The following CACNA2D3 variants were observed in gnomAD, a reference collection of about 807,000 sequenced individuals.
CACNA2D3 encodes voltage-dependent calcium channel subunit alpha-2/delta-3.
In CACNA2D3, 60 loss-of-function variants were observed where a neutral mutation model predicts 160.6. The observed-to-expected ratio is 0.37, with a 90% CI of 0.30 to 0.46. The LOEUF (loss-of-function observed/expected upper bound fraction) is 0.46. CACNA2D3 is among the 20% of genes least tolerant of loss of function. The pLI is 1.00. For synonymous variants in CACNA2D3, 558 were observed against 492.9 expected, an observed-to-expected ratio of 1.13 and a Z score of -1.75; for missense variants, 1,205 against 1,365.0, an observed-to-expected ratio of 0.88 and a Z score of 1.85.
intron 3 of CACNA2D3, among the ~76,000 whole-genome samples, chr3:54,352,948 T>C (rs1698589993): frequency 2.0e-5 from 3 of 152,194 alleles, no homozygotes; most frequent in Non-Finnish European, 4.4e-5. Flanking sequence ...CAGTGTGAAA[T>C]AGGACATCAT....
intron 11 of CACNA2D3, among the ~76,000 whole-genome samples, chr3:54,662,996 T>C (rs630987): frequency 0.83 from 126,248 of 152,214 alleles, 54,134 homozygotes; most frequent in Non-Finnish European, 0.94. Context: ...AAATGAGCAA[T>C]AGCATGTGGC....
intron 2 of CACNA2D3, among the ~76,000 whole-genome samples, chr3:54,206,542 C>G (rs547869630): frequency 1.4e-3 from 218 of 152,304 alleles, no homozygotes; most frequent in Non-Finnish European, 2.4e-3. Flanking sequence ...GCCTTAAAAA[C>G]TCAAACAGTG....
At chr3:54,598,144 A>G (rs757013615) in intron 9 of CACNA2D3, among the ~76,000 whole-genome samples, 3 of 151,106 alleles carry the variant, frequency 2.0e-5, no homozygotes, top group Admixed American at 6.6e-5. Context: ...AAAAAATACA[A>G]CAACAACAAA....
At chr3:54,343,802 A>G (rs1018933428) in intron 3 of CACNA2D3, among the ~76,000 whole-genome samples, 3 of 152,220 alleles carry the variant, frequency 2.0e-5, no homozygotes, top group Non-Finnish European at 4.4e-5. Flanking sequence ...TGATTTCTAA[A>G]GAAGGACATA....
chr3:54,879,253 AGT>A, intron 19 of CACNA2D3, 95 bp from the exon 20 acceptor site: 1 of 953,636 alleles, frequency 1.0e-6, no homozygotes, highest in Non-Finnish European at 1.6e-6. Context: ...ACCTGATCAT[AGT>A]GTGTCCATTT....
At chr3:54,223,529 G>A (rs1450300570) in intron 2 of CACNA2D3, among the ~76,000 whole-genome samples, 1 of 152,102 alleles carries the variant, frequency 6.6e-6, no homozygotes, top group East Asian at 1.9e-4. Context: ...GCATACTACT[G>A]TAGACTTTAT....
rs537732753 is a variant in CACNA2D3 at position 55,057,532 on chromosome 3, T to G, written c.2988-15913T>G. On this transcript the variant is annotated intron_variant, in intron 35 of 37. Transcript: ENST00000474759. ...TAACAGCCTGGAGAAATGTGAGATT[T>G]TTTTTGTTAAGGAGGAAGCAGTGAT... Among the ~76,000 whole-genome samples, 4 of 152,308 alleles carry G rather than the reference T, an allele frequency of 2.6e-5. No individual in the cohort carries two copies. In the East Asian group the frequency reaches 7.7e-4, roughly 29 times the overall value.
intron 18 of CACNA2D3, chr3:54,876,336 A>T (rs764522911): frequency 1.3e-5 from 2 of 152,146 alleles, no homozygotes; most frequent in Non-Finnish European, 2.9e-5. Flanking sequence ...TGACATTTCT[A>T]GAATGTTCCA....
chr3:54,450,618 C>A (rs2106815749), intron 4 of CACNA2D3, among the ~76,000 whole-genome samples: 1 of 152,110 alleles, frequency 6.6e-6, no homozygotes, highest in South Asian at 2.1e-4. Flanking sequence ...AAGCGCCTGG[C>A]ACCTCCCCGG....
rs145134638 is a variant in CACNA2D3, at chr3:55,021,835, G to A, written c.2987+3518G>A. Among the ~76,000 whole-genome samples, 90 of 151,724 alleles carry A rather than the reference G, an allele frequency of 5.9e-4. No homozygotes were observed. In the East Asian group the frequency reaches 0.011, roughly 18 times the overall value. ...AAATGTCCAAATATATGGGAGTTGA[G>A]GCCATCCTTTTTATTACTGAAGCCT... On this transcript the variant is annotated intron_variant, in intron 35 of 37. Transcript: ENST00000474759.
intron 5 of CACNA2D3, among the ~76,000 whole-genome samples, chr3:54,536,787 T>C (rs1180534156): frequency 6.6e-6 from 1 of 152,198 alleles, no homozygotes; most frequent in East Asian, 1.9e-4. Context: ...TCTCTTTCTC[T>C]CACTCTGATA....
intron 31 of CACNA2D3, among the ~76,000 whole-genome samples, chr3:54,991,058 C>A (rs1036201313): frequency 6.6e-6 from 1 of 152,030 alleles, no homozygotes; most frequent in Admixed American, 6.6e-5. Flanking sequence ...TGGCTGCGTT[C>A]GCTGAGCACC....
chr3:54,514,463 C>T (rs1460530935), intron 5 of CACNA2D3, among the ~76,000 whole-genome samples: 3 of 152,138 alleles, frequency 2.0e-5, no homozygotes, highest in African/African-American at 4.8e-5. Context: ...AATAAATATT[C>T]GTGGAGCACC....
chr3:54,914,318 A>G (rs139111701), intron 27 of CACNA2D3, among the ~76,000 whole-genome samples: 9 of 152,326 alleles, frequency 5.9e-5, no homozygotes, highest in African/African-American at 2.2e-4. Context: ...GGCTCAGCAG[A>G]TAACTTTGTC....
intron 27 of CACNA2D3, among the ~76,000 whole-genome samples, chr3:54,960,204 C>G (rs2107044060): frequency 6.6e-6 from 1 of 152,308 alleles, no homozygotes; most frequent in East Asian, 1.9e-4. Context: ...TAAAATAGGC[C>G]TCCTCAGCAA....
At chr3:55,057,955 A>G (rs565495432) in intron 35 of CACNA2D3, among the ~76,000 whole-genome samples, 20 of 152,312 alleles carry the variant, frequency 1.3e-4, no homozygotes, top group Non-Finnish European at 2.8e-4. Context: ...TTTATAAAGT[A>G]ATTCTCAATG....
chr3:54,755,656 G>A (rs1024160791), intron 12 of CACNA2D3, among the ~76,000 whole-genome samples: 2 of 152,110 alleles, frequency 1.3e-5, no homozygotes, highest in Non-Finnish European at 2.9e-5. Flanking sequence ...CAGAGGAGAG[G>A]GAGGCCGAGT....
intron 4 of CACNA2D3, among the ~76,000 whole-genome samples, chr3:54,498,827 C>T (rs1265534357): frequency 1.3e-5 from 2 of 151,426 alleles, no homozygotes; most frequent in Non-Finnish European, 1.5e-5. Context: ...CATTTTTTTC[C>T]TTGACATATG....
chr3:54,877,046 C>G (rs1699677361), intron 18 of CACNA2D3: 1 of 152,066 alleles, frequency 6.6e-6, no homozygotes, highest in Non-Finnish European at 1.5e-5. Context: ...CCTTTTCGGT[C>G]TATGTAAACC....
Sources: allele counts gnomAD v4.1 joint callset (sites outside exome capture counted in the v4.1 genomes callset), GRCh38; gene constraint gnomAD v4.1.1; transcripts MANE v1.5; gene names NCBI Gene and HGNC (gene_info 2026-07-23, HGNC 2026-07-21).